The following NDST4 variants were observed in gnomAD, a reference collection of about 807,000 sequenced individuals.
The protein encoded by NDST4 is N-heparan sulfate sulfotransferase 4.
Under a neutral mutation model 100.8 loss-of-function variants are expected in NDST4, and 63 were observed. The observed-to-expected ratio is 0.62, with a 90% CI of 0.51 to 0.77. The LOEUF (loss-of-function observed/expected upper bound fraction) is 0.77. NDST4 is among the 30% of genes least tolerant of loss of function. The pLI is 0.00. For missense variants in NDST4, 943 were observed against 1,018.4 expected, an observed-to-expected ratio of 0.93 and a Z score of 1.01; for synonymous variants, 377 against 361.8, an observed-to-expected ratio of 1.04 and a Z score of -0.48.
intron 6 of NDST4, among the ~76,000 whole-genome samples, chr4:114,926,899 A>T (rs1578393292): frequency 6.6e-6 from 1 of 152,110 alleles, no homozygotes; most frequent in African/African-American, 2.4e-5. Context: ...AAATTCCAGG[A>T]CATTCCTTTA....
intron 2 of NDST4, among the ~76,000 whole-genome samples, chr4:114,994,945 C>CT (rs5861199): frequency 0.34 from 50,872 of 151,548 alleles, 8,605 homozygotes; most frequent in Middle Eastern, 0.47. Context: ...AAATTATCTG[C>CT]TTTTTTTGGG....
intron 4 of NDST4, among the ~76,000 whole-genome samples, chr4:114,939,360 A>G (rs1484372869): frequency 6.6e-6 from 1 of 152,178 alleles, no homozygotes; most frequent in East Asian, 1.9e-4. Flanking sequence ...TCAACCTGTT[A>G]TCCTCCTTTT....
At chr4:114,882,472 C>G (rs1724391006) in intron 6 of NDST4, among the ~76,000 whole-genome samples, 1 of 152,118 alleles carries the variant, frequency 6.6e-6, no homozygotes, top group South Asian at 2.1e-4. Context: ...ACTTAGTGAG[C>G]TGGTGTTAAC....
At chr4:114,918,971 G>A (rs903802663) in intron 6 of NDST4, among the ~76,000 whole-genome samples, 6 of 151,894 alleles carry the variant, frequency 4.0e-5, no homozygotes, top group Non-Finnish European at 5.9e-5. Flanking sequence ...CACAGATGTC[G>A]TGGTCTTTTG....
At chr4:114,889,310 C>T (rs1035774579) in intron 6 of NDST4, among the ~76,000 whole-genome samples, 3 of 152,012 alleles carry the variant, frequency 2.0e-5, no homozygotes, top group African/African-American at 4.8e-5. Context: ...GATTTTGATC[C>T]CACTTACTCT....
chr4:115,074,812 A>G (rs1251904738), intron 2 of NDST4, among the ~76,000 whole-genome samples: 2 of 152,282 alleles, frequency 1.3e-5, no homozygotes, highest in Middle Eastern at 3.4e-3. Flanking sequence ...CTTTAACAGA[A>G]GATCCAAAAA....
chr4:114,986,807 TA>T lies in NDST4; in HGVS notation c.979-9534del, dbSNP rs1560845320. On this transcript the variant is annotated intron_variant, in intron 2 of 13. Coordinates refer to ENST00000264363, the MANE Select transcript of NDST4 (RefSeq NM_022569.3). Reference sequence around the variant, plus strand: ...ATCCAATTATACATATATATATATATATATATATATATATATATATATATAT... The same window carrying T: ...ATCCAATTATACATATATATATATATTATATATATATATATATATATATAT... Among the ~76,000 whole-genome samples, 39 of 50,614 alleles carry T rather than the reference TA, an allele frequency of 7.7e-4. 2 individuals are homozygous for T. Among genetic ancestry groups the T allele is most frequent in the Admixed American group, 5.2e-3 (28 of 5,432 alleles). The allele number at this position is 50,614 out of a possible 152,430, so 33.2% of individuals were successfully genotyped here.
chr4:115,029,674 G>A (rs776217801), intron 2 of NDST4, among the ~76,000 whole-genome samples: 12 of 152,078 alleles, frequency 7.9e-5, no homozygotes, highest in Admixed American at 2.0e-4. Context: ...CTCAAATGAG[G>A]AGCTAGAAAC....
chr4:114,954,165 T>A (rs1726084046), intron 4 of NDST4, among the ~76,000 whole-genome samples: 1 of 152,166 alleles, frequency 6.6e-6, no homozygotes, highest in Admixed American at 6.6e-5. Flanking sequence ...TAATATTTTA[T>A]GTTATTATTT....
At chr4:115,098,204 T>C (rs1729658980) in intron 1 of NDST4, among the ~76,000 whole-genome samples, 1 of 152,150 alleles carries the variant, frequency 6.6e-6, no homozygotes, top group South Asian at 2.1e-4. Context: ...ATATCTCTCT[T>C]TACAAACGAG....
At chr4:114,895,349 A>G (rs1471556664) in intron 6 of NDST4, among the ~76,000 whole-genome samples, 1 of 152,202 alleles carries the variant, frequency 6.6e-6, no homozygotes, top group Non-Finnish European at 1.5e-5. Context: ...AGAGAATACT[A>G]TAAACACATC....
At chr4:114,846,235 AG>A (rs1307615270) in intron 9 of NDST4, among the ~76,000 whole-genome samples, 1 of 152,214 alleles carries the variant, frequency 6.6e-6, no homozygotes, top group African/African-American at 2.4e-5. Context: ...TAGGCCAATA[AG>A]GGTCAAAGGA....
intron 2 of NDST4, among the ~76,000 whole-genome samples, chr4:115,019,556 G>C (rs538940589): frequency 6.6e-6 from 1 of 152,244 alleles, no homozygotes; most frequent in East Asian, 1.9e-4. Flanking sequence ...TATGTACGAG[G>C]CCTAGCCTCC....
intron 8 of NDST4, among the ~76,000 whole-genome samples, chr4:114,851,481 G>C (rs1301338103): frequency 6.6e-6 from 1 of 152,092 alleles, no homozygotes; most frequent in African/African-American, 2.4e-5. Context: ...ATAGCTTAAT[G>C]TCTTTATGAA....
At position 114,827,860 on chromosome 4, in the gene NDST4, G is replaced by C. The variant is rs745606272; in HGVS notation, c.2575C>G (p.Pro859Ala). ...TCCTGTCTCAGCCACGATGGCAGAG[G>C]CTGTCCCAGTCTGTGTAGCAGTTTG... ...LSKLLHRLGQ[P>A]LPSWLRQELQ... Residue 859 changes from proline (P) to alanine (A), a missense_variant, in exon 14 of 14, where the codon CCT (proline) becomes GCT (alanine). Pro to Ala is a conservative substitution (Grantham distance 27). Transcript: ENST00000264363. 6.8e-6 allele frequency: 11 copies of C among 1,611,980 alleles called. No individual in the cohort carries two copies. The highest frequency in any genetic ancestry group is 4.0e-5 in the African/African-American group (3 of 74,656).
At chr4:114,830,735 G>A (rs1723178759) in intron 12 of NDST4, among the ~76,000 whole-genome samples, 1 of 152,180 alleles carries the variant, frequency 6.6e-6, no homozygotes. Context: ...ACATCGAAAA[G>A]GTTTGCATTT....
At chr4:114,864,889 A>G (rs1169001789) in intron 7 of NDST4, among the ~76,000 whole-genome samples, 1 of 152,116 alleles carries the variant, frequency 6.6e-6, no homozygotes, top group Non-Finnish European at 1.5e-5. Flanking sequence ...CTTCAAGAGT[A>G]CTGCTTTAGA....
rs145013499 is a variant in NDST4, at chr4:114,893,144, T to C, written c.1537-22194A>G. 2.6e-4 allele frequency among the ~76,000 whole-genome samples: 39 copies of C among 152,304 alleles called. No homozygotes were observed. The East Asian group carries it at 4.8e-3, about 19-fold the overall frequency. On this transcript the variant is annotated intron_variant, in intron 6 of 13. Transcript: ENST00000264363. ...CACATTTCCTTTATCCAGTATATCA[T>C]TGATGGGCATTTGGGTTGGTTCCAT...
chr4:114,982,138 G>A (rs1251946091), intron 2 of NDST4, among the ~76,000 whole-genome samples: 1 of 152,170 alleles, frequency 6.6e-6, no homozygotes, highest in South Asian at 2.1e-4. Context: ...CAGAAAATTG[G>A]TATTGGGAGT....
Sources: gnomAD v4.1 joint callset for allele counts (sites outside exome capture counted in the v4.1 genomes callset) on GRCh38, gnomAD v4.1.1 for gene constraint, MANE v1.5 for transcripts, NCBI Gene and HGNC (gene_info 2026-07-23, HGNC 2026-07-21) for gene names.